TBC1D2: variants seen among roughly 807,000 people sequenced by gnomAD.
TBC1D2 encodes the protein TBC1 domain family member 2.
In TBC1D2, 58 loss-of-function variants were observed where a neutral mutation model predicts 91.1. The observed-to-expected ratio is 0.64, with a 90% CI of 0.52 to 0.79. The LOEUF is 0.79. TBC1D2 is among the 30% of genes least tolerant of loss of function. The pLI, the probability that TBC1D2 is intolerant of heterozygous loss-of-function variation, is 0.00. For missense variants in TBC1D2, 1,080 were observed against 1,208.3 expected, an observed-to-expected ratio of 0.89 and a Z score of 1.57; for synonymous variants, 482 against 511.5, an observed-to-expected ratio of 0.94 and a Z score of 0.78.
chr9:98,255,136 C>A, intron 1 of TBC1D2, 37 bp downstream of exon 1: 2 of 1,569,938 alleles, frequency 1.3e-6, no homozygotes, highest in South Asian at 1.2e-5. Flanking sequence ...GGGGACCTCA[C>A]GCCGCTGGAA....
At chr9:98,230,916 T>C (rs1829352251) in intron 4 of TBC1D2, among the ~76,000 whole-genome samples, 1 of 152,096 alleles carries the variant, frequency 6.6e-6, no homozygotes, top group South Asian at 2.1e-4. Flanking sequence ...CCTTGCTGAG[T>C]GCAAAACCAG....
chr9:98,240,354 G>T (rs1382041399), intron 3 of TBC1D2, among the ~76,000 whole-genome samples: 1 of 152,146 alleles, frequency 6.6e-6, no homozygotes, highest in East Asian at 1.9e-4. Flanking sequence ...AATTACTATG[G>T]TGTCCTGTTA....
At chr9:98,223,515 A>G (rs1588045998) in intron 5 of TBC1D2, among the ~76,000 whole-genome samples, 1 of 152,206 alleles carries the variant, frequency 6.6e-6, no homozygotes, top group Non-Finnish European at 1.5e-5. Context: ...GGCCTAGGCC[A>G]TTTTCTGCTT....
intron 2 of TBC1D2, among the ~76,000 whole-genome samples, chr9:98,244,659 CAAAAAAAA>C (rs59871511): frequency 2.1e-5 from 1 of 46,898 alleles, no homozygotes; most frequent in African/African-American, 7.7e-5. Flanking sequence ...AACTCCGTCT[CAAAAAAAA>C]AAAAAAAAAA....
At chr9:98,248,368 T>C (rs1338510137) in intron 2 of TBC1D2, among the ~76,000 whole-genome samples, 2 of 152,220 alleles carry the variant, frequency 1.3e-5, no homozygotes, top group Admixed American at 1.3e-4. Flanking sequence ...ATGCCCTCCA[T>C]GAGTGACCAC....
At position 98,223,284 on chromosome 9, in the gene TBC1D2, C is replaced by T. The variant is rs923521672; in HGVS notation, c.979-2056G>A. Reference sequence around the variant, plus strand: ...GGTGGGAGATGAGGGTGGGGATGGCCCTCCAGATGTGGCCAAGCTACAGCC... The same window carrying T: ...GGTGGGAGATGAGGGTGGGGATGGCTCTCCAGATGTGGCCAAGCTACAGCC... On this transcript the variant is annotated intron_variant, in intron 5 of 12. Coordinates refer to ENST00000465784, the MANE Select transcript of TBC1D2 (RefSeq NM_001267571.2). Among the ~76,000 whole-genome samples the T allele has an allele frequency of 1.8e-4, 28 of 152,088 alleles. 1 individual carries two copies. The highest frequency in any genetic ancestry group is 6.8e-4 in the African/African-American group (28 of 41,390).
rs752936719 is a variant in TBC1D2, at chr9:98,220,860, G to A, written c.1347C>T (p.Ser449=). ...TCAGGTGCTCTATCTTCCCCTGCTG[G>A]CTCAGGAAGTCCCTGTTGGCAGCGT... is the stretch of plus-strand genomic sequence containing the variant. The part of the protein sequence containing the change: ...RPDAANRDFL[S]QQGKIEHLKD... Residue 449 remains serine (S), a synonymous_variant, in exon 6 of 13, where the codon AGC becomes AGT. Coordinates refer to ENST00000465784, the MANE Select transcript of TBC1D2 (RefSeq NM_001267571.2). The A allele has an allele frequency of 6.2e-5, 100 of 1,614,026 alleles. No homozygotes were observed. Among genetic ancestry groups the A allele is most frequent in the Non-Finnish European group, 7.9e-5 (93 of 1,180,006 alleles).
At chr9:98,254,631 T>C (rs1471285626) in intron 1 of TBC1D2, among the ~76,000 whole-genome samples, 2 of 152,236 alleles carry the variant, frequency 1.3e-5, no homozygotes, top group Non-Finnish European at 2.9e-5. Context: ...GGTTTAAGCA[T>C]GCCTAGATGA....
At chr9:98,252,436 G>A (rs1439757281) in intron 1 of TBC1D2, among the ~76,000 whole-genome samples, 1 of 152,190 alleles carries the variant, frequency 6.6e-6, no homozygotes, top group African/African-American at 2.4e-5. Flanking sequence ...ATGGAGACTG[G>A]AAAGCCACAT....
In TBC1D2 at chr9:98,210,969, G is replaced by C. The variant is rs1374597895; in HGVS notation, c.1486-126C>G. On this transcript the variant is annotated intron_variant, in intron 7 of 12. Coordinates refer to ENST00000465784, the MANE Select transcript of TBC1D2 (RefSeq NM_001267571.2). Reference sequence around the variant, plus strand: ...TCATCTGCCCCACTCCCAACTCCCAGACCTTCGTATAAGGGAAAGGAGATG... The same window carrying C: ...TCATCTGCCCCACTCCCAACTCCCACACCTTCGTATAAGGGAAAGGAGATG... 6.8e-6 allele frequency: 6 copies of C among 883,970 alleles called. No individual in the cohort carries two copies. The African/African-American group carries it at 1.0e-4, about 15-fold the overall frequency. 54.8% of individuals were successfully genotyped at this position (883,970 alleles called of 1,614,324 possible).
rs1421254053 is a variant in TBC1D2 at position 98,228,598 on chromosome 9, T to C, written c.978+354A>G. 6.6e-6 allele frequency among the ~76,000 whole-genome samples: 1 copy of C among 152,104 alleles called. No homozygotes were observed. The highest frequency in any genetic ancestry group is 2.4e-5 in the African/African-American group (1 of 41,414). Reference sequence around the variant, plus strand: ...CTGCCAGGTCAAAGTTCCCCCCAGTTCTATCGACAGCCCCTCCCATGACCC... The same window carrying C: ...CTGCCAGGTCAAAGTTCCCCCCAGTCCTATCGACAGCCCCTCCCATGACCC... On this transcript the variant is annotated intron_variant, in intron 5 of 12. Coordinates refer to ENST00000465784, the MANE Select transcript of TBC1D2 (RefSeq NM_001267571.2). This position sits in a 1 kb window ranked among gnomAD's most constrained non-coding sequence, Gnocchi z 4.0.
chr9:98,229,571 TAGG>T (rs1829319277), intron 4 of TBC1D2, among the ~76,000 whole-genome samples: 1 of 152,196 alleles, frequency 6.6e-6, no homozygotes, highest in African/African-American at 2.4e-5. Context: ...CTCTATGTAC[TAGG>T]AGATTTTCAA....
At chr9:98,201,780 G>GAAAGGACC in intron 10 of TBC1D2, 116 bp from the exon 11 acceptor site, 1 of 1,079,210 alleles carries the variant, frequency 9.3e-7, no homozygotes, top group Non-Finnish European at 1.3e-6. Flanking sequence ...CTCTGGGCAG[G>GAAAGGACC]TCCTTTCCTG....
chr9:98,244,269 A>T, intron 2 of TBC1D2, 140 bp from the exon 3 acceptor site: 2 of 1,114,494 alleles, frequency 1.8e-6, no homozygotes, highest in Admixed American at 2.7e-5. Flanking sequence ...CCCTCCCTGT[A>T]GGTTAACAGC....
chr9:98,209,424 GAT>G (rs1267956725), intron 8 of TBC1D2, among the ~76,000 whole-genome samples: 1 of 152,132 alleles, frequency 6.6e-6, no homozygotes, highest in Non-Finnish European at 1.5e-5. Context: ...ATGCCCAAGA[GAT>G]ATTTACTAAT....
chr9:98,214,326 C>T (rs113712634), intron 6 of TBC1D2, among the ~76,000 whole-genome samples: 3,651 of 40,592 alleles, frequency 0.09, 184 homozygotes, highest in East Asian at 0.19. Context: ...AGGATGACTC[C>T]GACGTGGCCA....
intron 6 of TBC1D2, among the ~76,000 whole-genome samples, chr9:98,214,250 T>C (rs1588038508): frequency 7.5e-6 from 1 of 134,074 alleles, no homozygotes; most frequent in Non-Finnish European, 1.6e-5. Context: ...GCAGCAAGGA[T>C]GACTCCGACG....
chr9:98,209,756 T>TTCCCTTCCTTCC (rs369507489), intron 8 of TBC1D2, among the ~76,000 whole-genome samples: 22 of 105,478 alleles, frequency 2.1e-4, no homozygotes, highest in African/African-American at 5.8e-4. Context: ...CCTTCCTTCC[T>TTCCCTTCCTTCC]TTCCTTCCTT....
At chr9:98,254,793 A>C (rs1237565000) in intron 1 of TBC1D2, among the ~76,000 whole-genome samples, 1 of 152,238 alleles carries the variant, frequency 6.6e-6, no homozygotes, top group Non-Finnish European at 1.5e-5. Flanking sequence ...ATTTTGACTT[A>C]CTTAGGTCCC....
Sources: gnomAD v4.1 joint callset for allele counts (sites outside exome capture counted in the v4.1 genomes callset) on GRCh38, gnomAD v4.1.1 for gene constraint, Gnocchi (gnomAD v3.1) non-coding constraint, MANE v1.5 for transcripts, NCBI Gene and HGNC (gene_info 2026-07-23, HGNC 2026-07-21) for gene names.